The following CHRDL1 variants were observed in gnomAD, a reference collection of about 807,000 sequenced individuals.
The protein encoded by CHRDL1 is chordin-like protein 1.
A neutral mutation model predicts 40.9 loss-of-function variants in CHRDL1; 19 were observed. The observed-to-expected ratio is 0.46, with a 90% CI of 0.32 to 0.68. CHRDL1 has a LOEUF of 0.68. Among genes scored for constraint, CHRDL1 ranks in the 30% least tolerant of loss-of-function variants. The probability of loss-of-function intolerance (pLI) is 0.03; values close to 1 mark genes in which losing one functional copy is unlikely to be tolerated. For missense variants in CHRDL1, 329 were observed against 352.1 expected (o/e 0.93, Z 0.53); for synonymous variants, 136 against 123.4 (o/e 1.10, Z -0.68).
chrX:110,681,630 G>A lies in CHRDL1; in HGVS notation c.1008C>T (p.Ser336=), dbSNP rs2069899407. Residue 336 remains serine, a synonymous_variant, in exon 10 of 12, where the codon AGC becomes AGT. Transcript: ENST00000372042. ...KKAKEELPGQ[S]FDNKGYFCGE... Reference sequence around the variant, plus strand: ...CGCAGAAGTAGCCTTTATTGTCAAAGCTTTGGCCTGGAAGTTCTTCTGGAA... The same window carrying A: ...CGCAGAAGTAGCCTTTATTGTCAAAACTTTGGCCTGGAAGTTCTTCTGGAA... The A allele has an allele frequency of 8.3e-7, 1 of 1,201,978 alleles. No individual in the cohort carries two copies. Among genetic ancestry groups the A allele is most frequent in the Non-Finnish European group, 1.1e-6 (1 of 890,612 alleles).
chrX:110,727,495 T>C (rs2071079383), intron 4 of CHRDL1, among the ~76,000 whole-genome samples: 1 of 112,246 alleles, frequency 8.9e-6, no homozygotes, highest in Admixed American at 9.5e-5. Flanking sequence ...AAAATCCTAT[T>C]TGTCCCTAAT....
intron 4 of CHRDL1, among the ~76,000 whole-genome samples, chrX:110,748,263 T>C (rs780286486): frequency 8.9e-6 from 1 of 112,040 alleles, no homozygotes. Context: ...AGACACAATT[T>C]CCCTCAGAAA....
chrX:110,735,855 G>A (rs924381116), intron 4 of CHRDL1, among the ~76,000 whole-genome samples: 1 of 112,586 alleles, frequency 8.9e-6, no homozygotes, highest in African/African-American at 3.2e-5. Flanking sequence ...CTGGAAAAGA[G>A]ATAATGAGCT....
chrX:110,734,737 T>A (rs977680158), intron 4 of CHRDL1, among the ~76,000 whole-genome samples: 4 of 112,141 alleles, frequency 3.6e-5, no homozygotes, highest in Non-Finnish European at 5.6e-5. Context: ...CAGAGGCTAA[T>A]TCCTCAACCT....
chrX:110,793,552 T>C (rs945540445), intron 1 of CHRDL1, among the ~76,000 whole-genome samples: 1 of 111,951 alleles, frequency 8.9e-6, no homozygotes, highest in South Asian at 3.8e-4. Context: ...CTCAGAATGT[T>C]ACTGTCCCTT....
chrX:110,743,622 G>A (rs909192191), intron 4 of CHRDL1, among the ~76,000 whole-genome samples: 5 of 112,062 alleles, frequency 4.5e-5, no homozygotes, highest in Admixed American at 9.5e-5. Flanking sequence ...CCAGGACTGA[G>A]GAGGAAGTCC....
chrX:110,759,976 C>T (rs945296734), intron 3 of CHRDL1, among the ~76,000 whole-genome samples: 4 of 111,802 alleles, frequency 3.6e-5, no homozygotes, highest in African/African-American at 1.3e-4. Context: ...GAGATCACCA[C>T]TCCTCCAATT....
chrX:110,709,907 C>A (rs777532274), intron 6 of CHRDL1, among the ~76,000 whole-genome samples: 1 of 111,060 alleles, frequency 9.0e-6, no homozygotes, highest in Non-Finnish European at 1.9e-5. Flanking sequence ...GAGGCTGAGG[C>A]GGGAGGATCA....
chrX:110,689,903 A>C (rs1352646959), intron 8 of CHRDL1, among the ~76,000 whole-genome samples: 8 of 55,403 alleles, frequency 1.4e-4, no homozygotes, highest in Admixed American at 2.3e-4. Context: ...ATCTATATAT[A>C]TCTATATATC....
chrX:110,676,406 A>G, intron 11 of CHRDL1, 45 bp from the exon 12 acceptor site: 1 of 1,170,553 alleles, frequency 8.5e-7, no homozygotes, highest in Non-Finnish European at 1.2e-6. Flanking sequence ...GTGTAAGAGG[A>G]AAGCAGAGCA....
intron 11 of CHRDL1, among the ~76,000 whole-genome samples, chrX:110,677,725 G>A (rs1216191485): frequency 8.9e-6 from 1 of 111,833 alleles, no homozygotes; most frequent in African/African-American, 3.3e-5. Flanking sequence ...ACAAGCAACT[G>A]ACTGCCTTGG....
At chrX:110,789,114 G>GT (rs1428671459) in intron 2 of CHRDL1, among the ~76,000 whole-genome samples, 2 of 111,862 alleles carry the variant, frequency 1.8e-5, no homozygotes, top group Non-Finnish European at 3.8e-5. Context: ...AGGTTAATAA[G>GT]TAAGTTTTTA....
intron 6 of CHRDL1, among the ~76,000 whole-genome samples, chrX:110,711,537 A>G (rs2070746970): frequency 8.9e-6 from 1 of 111,974 alleles, no homozygotes; most frequent in African/African-American, 3.2e-5. Flanking sequence ...TCCTATCATC[A>G]TGACCAGGAG....
intron 4 of CHRDL1, among the ~76,000 whole-genome samples, chrX:110,730,145 T>C (rs1292599288): frequency 8.9e-6 from 1 of 111,959 alleles, no homozygotes; most frequent in African/African-American, 3.2e-5. Context: ...TCAATCAGTA[T>C]TATATACTGT....
At chrX:110,724,767 T>C (rs2071025587) in intron 4 of CHRDL1, among the ~76,000 whole-genome samples, 1 of 111,337 alleles carries the variant, frequency 9.0e-6, no homozygotes, top group Non-Finnish European at 1.9e-5. Context: ...CAAGGCACTT[T>C]ACCTCTTTAA....
At chrX:110,687,950 T>C (rs1294594015) in intron 9 of CHRDL1, among the ~76,000 whole-genome samples, 1 of 112,173 alleles carries the variant, frequency 8.9e-6, no homozygotes, top group Non-Finnish European at 1.9e-5. Flanking sequence ...ACTTGGGTTA[T>C]AGGCCTTGGT....
intron 2 of CHRDL1, among the ~76,000 whole-genome samples, chrX:110,764,436 C>T (rs1047007040): frequency 4.5e-5 from 5 of 111,986 alleles, no homozygotes; most frequent in Admixed American, 1.9e-4. Flanking sequence ...ACAATACTTT[C>T]ATAATTTCTT....
At chrX:110,785,989 T>A (rs2090011555) in intron 2 of CHRDL1, among the ~76,000 whole-genome samples, 1 of 112,455 alleles carries the variant, frequency 8.9e-6, no homozygotes, top group East Asian at 2.8e-4. Context: ...ATATTTGCCT[T>A]CTTCCTTTAC....
At chrX:110,716,682 G>C in intron 6 of CHRDL1, among the ~76,000 whole-genome samples, 1 of 111,107 alleles carries the variant, frequency 9.0e-6, no homozygotes, top group Admixed American at 9.6e-5. Context: ...GAAAAGAAAG[G>C]CCTTCCAACT....
Sources: gnomAD v4.1 joint callset for allele counts (sites outside exome capture counted in the v4.1 genomes callset) on GRCh38, gnomAD v4.1.1 for gene constraint, MANE v1.5 for transcripts, NCBI Gene and HGNC (gene_info 2026-07-23, HGNC 2026-07-21) for gene names.